The following PANK4 variants were observed in gnomAD, a reference collection of about 807,000 sequenced individuals.
PANK4 encodes the protein pantothenate kinase 4 (inactive), also known as 4'-phosphopantetheine phosphatase.
PANK4 carries 40 observed loss-of-function variants against 87.9 expected under a neutral mutation model. The observed-to-expected ratio is 0.46, with a 90% CI of 0.35 to 0.59. The LOEUF (loss-of-function observed/expected upper bound fraction) is 0.59. PANK4 is among the 20% of genes least tolerant of loss of function. The pLI is 0.00. For missense variants in PANK4, 926 were observed against 1,072.3 expected (o/e 0.86, Z 1.90); for synonymous variants, 524 against 467.4 (o/e 1.12, Z -1.56).
chr1:2,518,651 C>T lies in PANK4; in HGVS notation c.1036-54G>A, dbSNP rs571753276. The T allele has an allele frequency of 3.1e-4, 442 of 1,426,472 alleles. 7 individuals are homozygous for T. The South Asian group carries it at 5.4e-3, about 17-fold the overall frequency. The allele number at this position is 1,426,472 out of a possible 1,614,324, so 88.4% of individuals were successfully genotyped here. ...GTTGGCCCCACACAACACCCGGTGC[C>T]TCCGCAAACCAGCTCAACGTGCGCG... On this transcript the variant is annotated intron_variant, in intron 7 of 18. Transcript: ENST00000378466.
In PANK4 at chr1:2,521,768, T is replaced by C. The variant is rs756056004; in HGVS notation, c.157A>G (p.Thr53Ala). 9.9e-6 allele frequency: 16 copies of C among 1,614,014 alleles called. No individual in the cohort carries two copies. Among genetic ancestry groups the C allele is most frequent in the Non-Finnish European group, 1.4e-5 (16 of 1,179,998 alleles). ...ACCTTGGCGACTTTGTGCTGTACCG[T>C]TGAATAGTAGGCCAGCTTGGTTAAC... ...GSLTKLAYYS[T>A]VQHKVAKVRS... is the part of the protein sequence containing the mutation. Residue 53 changes from threonine (T) to alanine (A), a missense_variant, in exon 2 of 19, where the codon ACG becomes GCG. Thr to Ala is a moderately conservative substitution (Grantham distance 58). Coordinates refer to ENST00000378466, the MANE Select transcript of PANK4 (RefSeq NM_018216.4).
chr1:2,522,129 T>C (rs1383921684), intron 1 of PANK4, among the ~76,000 whole-genome samples: 1 of 152,204 alleles, frequency 6.6e-6, no homozygotes. Flanking sequence ...CCTCACTGCT[T>C]TAAGAAAATT....
rs181503030 is a variant in PANK4 at position 2,512,902 on chromosome 1, G to A, written c.1713C>T (p.Ala571=). 9.4e-5 allele frequency: 152 copies of A among 1,612,760 alleles called. 2 individuals are homozygous for A. The East Asian group carries it at 3.2e-3, about 34-fold the overall frequency. The change falls in exon 13 of 19, where the codon GCC becomes GCT. Residue 571 remains alanine, a synonymous_variant. Coordinates refer to ENST00000378466, the MANE Select transcript of PANK4 (RefSeq NM_018216.4). The part of the protein sequence containing the change: ...LLAGNVFDWG[A]KAVSAVLESD... ...CAGACACCTACGCAGACACGGCTTT[G>A]GCCCCCCAGTCGAAGACATTCCCCG...
chr1:2,510,695 G>C lies in PANK4; in HGVS notation c.1921C>G (p.Leu641Val), dbSNP rs760144616. The C allele has an allele frequency of 5.6e-6, 9 of 1,596,640 alleles. No homozygotes were observed. Among genetic ancestry groups the C allele is most frequent in the African/African-American group, 2.7e-5 (2 of 74,676 alleles). The change falls in exon 16 of 19, where the codon CTC (leucine) becomes GTC (valine). Residue 641 changes from leucine to valine, a missense_variant. Coordinates refer to ENST00000378466, the MANE Select transcript of PANK4 (RefSeq NM_018216.4). This position sits in a 1 kb window ranked among gnomAD's most constrained non-coding sequence, Gnocchi z 4.9. ...LGVFPFVREL[L>V]LRGTEVILAC... ...ACACTCACCTCTGTCCCTCTAAGGA[G>C]TAGCTCCCTGACAAAGGGGAAGACT...
rs1406944887 is a variant in PANK4, at chr1:2,520,565, A to G, written c.607-151T>C. The G allele has an allele frequency of 2.4e-6, 2 of 843,284 alleles. No homozygotes were observed. The highest frequency in any genetic ancestry group is 3.5e-6 in the Non-Finnish European group (2 of 565,108). 52.2% of individuals were successfully genotyped at this position (843,284 alleles called of 1,614,324 possible). On this transcript the variant is annotated intron_variant, in intron 4 of 18. Transcript: ENST00000378466. This position sits in a 1 kb window ranked among gnomAD's most constrained non-coding sequence, Gnocchi z 6.2. ...CTCATGGCCAAGCCTGGGGGCGCTG[A>G]TGCCCCTCCCACAGAGGCTCTGAGC...
rs747476461 is a variant in PANK4, at chr1:2,519,368, G to A, written c.854-44C>T. 9 of 1,437,444 alleles carry A rather than the reference G, an allele frequency of 6.3e-6. No homozygotes were observed. The highest frequency in any genetic ancestry group is 5.7e-5 in the African/African-American group (4 of 69,846). The allele number at this position is 1,437,444 out of a possible 1,614,324, so 89.0% of individuals were successfully genotyped here. A position where few individuals can be genotyped will look rare whatever the true frequency, so the allele number is the denominator to read the frequency against. On this transcript the variant is annotated intron_variant, in intron 6 of 18. Transcript: ENST00000378466. The surrounding 1 kb of genome is among the most constrained non-coding windows in gnomAD (Gnocchi z 8.3). The stretch of plus-strand genomic sequence containing the variant: ...AGGCACTCATCTCCAAGTACAGCAA[G>A]TGCACGACATGAGAGCGAGCAGGAG...
At chr1:2,512,504 T>C (rs1327209361) in intron 13 of PANK4, 1 of 201,236 alleles carries the variant, frequency 5.0e-6, no homozygotes, top group Non-Finnish European at 1.0e-5. Flanking sequence ...TACAGGCCAG[T>C]CTAGGGGACT....
intron 12 of PANK4, 42 bp downstream of exon 12, chr1:2,513,960 G>T: frequency 7.1e-7 from 1 of 1,405,226 alleles, no homozygotes; most frequent in Non-Finnish European, 1.0e-6. Flanking sequence ...CCAGCGGGAC[G>T]GGGACAAGAG....
chr1:2,511,697 G>A lies in PANK4; in HGVS notation c.1728-14C>T, dbSNP rs1192978457. ...GATTCAAGGACACTGCATGGAGGAG[G>A]AGAAAAGAAAATTAAGACAACAGAA... On this transcript the variant is annotated splice_polypyrimidine_tract_variant and intron_variant, in intron 13 of 18. Coordinates refer to ENST00000378466, the MANE Select transcript of PANK4 (RefSeq NM_018216.4). 7.0e-6 allele frequency: 11 copies of A among 1,571,078 alleles called. No homozygotes were observed. Among genetic ancestry groups the A allele is most frequent in the African/African-American group, 1.3e-5 (1 of 74,160 alleles).
At position 2,519,784 on chromosome 1, in the gene PANK4, G is replaced by A. The variant is rs1257741674; in HGVS notation, c.853+17C>T. 1.3e-6 allele frequency: 2 copies of A among 1,561,628 alleles called. No individual in the cohort carries two copies. Among genetic ancestry groups the A allele is most frequent in the Admixed American group, 1.9e-5 (1 of 53,354 alleles). On this transcript the variant is annotated intron_variant, in intron 6 of 18. Transcript: ENST00000378466. The surrounding 1 kb of genome is among the most constrained non-coding windows in gnomAD (Gnocchi z 8.3). ...CCCACCATCCTGCTCTCTGGCGGCA[G>A]AGGCCGGGGTGAGCACCTTGGTCGG...
chr1:2,518,568 G>A lies in PANK4; in HGVS notation c.1065C>T (p.His355=), dbSNP rs750050014. 4.4e-6 allele frequency: 7 copies of A among 1,573,934 alleles called. No homozygotes were observed. Among genetic ancestry groups the A allele is most frequent in the East Asian group, 4.7e-5 (2 of 42,790 alleles). Residue 355 remains histidine, a synonymous_variant, in exon 8 of 19, where the codon CAC becomes CAT. Transcript: ENST00000378466. ...KGEVQALFLR[H]EGYLGAIGAF... ...CTCCGATGGCTCCCAGGTAGCCTTC[G>A]TGCCTCAGAAACAGCGCCTGCACTT...
At chr1:2,518,676 G>A (rs1643829772) in intron 7 of PANK4, 79 bp from the exon 8 acceptor site, 14 of 1,233,764 alleles carry the variant, frequency 1.1e-5, no homozygotes, top group Middle Eastern at 1.9e-4. Context: ...CAACGTGCGC[G>A]GGCCTCGCAC....
rs560349958 is a variant in PANK4, at chr1:2,520,985, G to A, written c.423-79C>T. 4.5e-5 allele frequency: 69 copies of A among 1,527,562 alleles called. No homozygotes were observed. The African/African-American group carries it at 9.0e-4, about 20-fold the overall frequency. 94.6% of individuals were successfully genotyped at this position (1,527,562 alleles called of 1,614,324 possible). On this transcript the variant is annotated intron_variant, in intron 3 of 18. Coordinates refer to ENST00000378466, the MANE Select transcript of PANK4 (RefSeq NM_018216.4). This position sits in a 1 kb window ranked among gnomAD's most constrained non-coding sequence, Gnocchi z 6.2. ...CATGCAAGCCTGCCTGGTCCGAAGG[G>A]GCAGCCATGCCCCATGCGCAATCTG... is the stretch of plus-strand genomic sequence containing the variant.
Position 2,515,507 on chromosome 1 carries a change from A to C in PANK4, c.1374+55T>G. The C allele has an allele frequency of 1.3e-6, 2 of 1,588,206 alleles. No individual in the cohort carries two copies. The highest frequency in any genetic ancestry group is 8.6e-7 in the Non-Finnish European group (1 of 1,158,700). On this transcript the variant is annotated intron_variant, in intron 10 of 18. Coordinates refer to ENST00000378466, the MANE Select transcript of PANK4 (RefSeq NM_018216.4). The surrounding 1 kb of genome is among the most constrained non-coding windows in gnomAD (Gnocchi z 5.0). Reference sequence around the variant, plus strand: ...CTTGGCTTTGCCCCCGGAGCCTTGGAAGGTTAACCCGGCTGCGGCCTTGGA... The same window carrying C: ...CTTGGCTTTGCCCCCGGAGCCTTGGCAGGTTAACCCGGCTGCGGCCTTGGA...
At chr1:2,516,055 C>G (rs960525793) in intron 9 of PANK4, 1 of 384,062 alleles carries the variant, frequency 2.6e-6, no homozygotes, top group East Asian at 5.3e-5. Flanking sequence ...GTAACTCCCT[C>G]CCCCATCACC....
In PANK4 at chr1:2,508,937, C is replaced by T; in HGVS notation, c.2232G>A (p.Lys744=). 1 of 1,610,758 alleles carries T rather than the reference C, an allele frequency of 6.2e-7. No individual in the cohort carries two copies. Among genetic ancestry groups the T allele is most frequent in the Non-Finnish European group, 8.5e-7 (1 of 1,179,190 alleles). The change falls in exon 19 of 19, where the codon AAG becomes AAA. Residue 744 remains lysine (K), a synonymous_variant. Coordinates refer to ENST00000378466, the MANE Select transcript of PANK4 (RefSeq NM_018216.4). The surrounding 1 kb of genome is among the most constrained non-coding windows in gnomAD (Gnocchi z 5.1). ...YHAALRCESL[K]LAVIKNAWLA... Reference sequence around the variant, plus strand: ...GCCACGCGTTCTTGATGACGGCCAGCTTGAGGCTCTCGCAGCGCAGGGCTG... The same window carrying T: ...GCCACGCGTTCTTGATGACGGCCAGTTTGAGGCTCTCGCAGCGCAGGGCTG...
At chr1:2,511,786 C>T in intron 13 of PANK4, 103 bp from the exon 14 acceptor site, 1 of 729,644 alleles carries the variant, frequency 1.4e-6, no homozygotes, top group Admixed American at 2.0e-5. Context: ...GGGACAGAGG[C>T]AGCTGCTCAA....
chr1:2,518,678 G>A, intron 7 of PANK4, 81 bp from the exon 8 acceptor site: 1 of 1,181,158 alleles, frequency 8.5e-7, no homozygotes. Flanking sequence ...ACGTGCGCGG[G>A]CCTCGCACCG....
chr1:2,518,334 G>T (rs777029069), intron 8 of PANK4, 70 bp from the exon 9 acceptor site: 1 of 1,149,064 alleles, frequency 8.7e-7, no homozygotes, highest in African/African-American at 1.5e-5. Flanking sequence ...AGTGGAGGAG[G>T]AAAGGGTATA....
Sources: gnomAD v4.1 joint callset for allele counts (sites outside exome capture counted in the v4.1 genomes callset) on GRCh38, gnomAD v4.1.1 for gene constraint, Gnocchi (gnomAD v3.1) non-coding constraint, MANE v1.5 for transcripts, NCBI Gene and HGNC (gene_info 2026-07-23, HGNC 2026-07-21) for gene names.